Variants in ALDH3A1 observed in about 807,000 individuals in gnomAD.
The protein encoded by ALDH3A1 is aldehyde dehydrogenase, dimeric NADP-preferring.
ALDH3A1 carries 46 observed loss-of-function variants against 49.9 expected under a neutral mutation model. That is an observed-to-expected ratio of 0.92 (90% CI 0.73 to 1.18). The LOEUF is 1.18. Among genes scored for constraint, ALDH3A1 ranks in the 50% most tolerant of loss-of-function variants. ALDH3A1 has a pLI of 0.00. For synonymous variants in ALDH3A1, 269 were observed against 253.3 expected (o/e 1.06, Z -0.59); for missense variants, 592 against 611.8 (o/e 0.97, Z 0.34).
rs200717464 is a variant in ALDH3A1, at chr17:19,745,113, T to C, written c.17A>G (p.Glu6Gly). The C allele has an allele frequency of 3.0e-4, 470 of 1,582,244 alleles. No individual in the cohort carries two copies. The highest frequency in any genetic ancestry group is 3.5e-4 in the Non-Finnish European group (404 of 1,170,472). ...GGCGGCGCGGGCGCGCTTCACGGCC[T>C]CGCTGATCTTGCTCATGGCGCCTGG... Reference protein sequence around the residue: MSKISEAVKRARAAFS... With the variant: MSKISGAVKRARAAFS... The change falls in exon 2 of 11, where the codon GAG becomes GGG. Residue 6 changes from glutamate (E) to glycine (G), a missense_variant. Physicochemically the swap from Glu to Gly is moderately conservative, Grantham distance 98. Coordinates refer to ENST00000225740, the MANE Select transcript of ALDH3A1 (RefSeq NM_000691.5).
At chr17:19,739,183 G>A in intron 8 of ALDH3A1, 88 bp from the exon 9 acceptor site, 1 of 1,219,710 alleles carries the variant, frequency 8.2e-7, no homozygotes. Context: ...ATAGCCTGGA[G>A]CCACAAGGAC....
intron 1 of ALDH3A1, among the ~76,000 whole-genome samples, chr17:19,746,189 A>C (rs1173559956): frequency 3.3e-5 from 5 of 152,104 alleles, no homozygotes; most frequent in Non-Finnish European, 5.9e-5. Flanking sequence ...AGAAGTTCAA[A>C]ACCAGCCTGG....
intron 2 of ALDH3A1, 67 bp downstream of exon 2, chr17:19,744,901 G>GCCCCACCC: frequency 2.3e-6 from 1 of 434,630 alleles, no homozygotes; most frequent in Non-Finnish European, 3.2e-6. Flanking sequence ...ACTCTCCCCA[G>GCCCCACCC]CCCCTCCCCC....
chr17:19,738,932 T>A (rs2086437532), intron 9 of ALDH3A1, 64 bp downstream of exon 9: 2 of 1,463,450 alleles, frequency 1.4e-6, no homozygotes, highest in Admixed American at 3.7e-5. Flanking sequence ...CTCCTGAATT[T>A]GCTGGGTGAG....
rs2086469048 is a variant in ALDH3A1, at chr17:19,740,402, T to C, written c.883A>G (p.Met295Val). ...ACCTTCTGGCCCTCAATCAGGCCCA[T>C]CACCCTCTGGAAGTGCCGGGCACTA... Reference protein sequence around the residue: ...IISARHFQRVMGLIEGQKVAY... With the variant: ...IISARHFQRVVGLIEGQKVAY... Residue 295 changes from methionine to valine, a missense_variant, in exon 7 of 11, where the codon ATG (methionine) becomes GTG (valine). Transcript: ENST00000225740. 1 of 1,613,998 alleles carries C rather than the reference T, an allele frequency of 6.2e-7. No individual in the cohort carries two copies. The highest frequency in any genetic ancestry group is 1.7e-5 in the Admixed American group (1 of 59,996).
At position 19,743,249 on chromosome 17, in the gene ALDH3A1, A is replaced by G. The variant is rs775753026; in HGVS notation, c.377T>C (p.Val126Ala). 5.6e-6 allele frequency: 9 copies of G among 1,613,768 alleles called. No homozygotes were observed. Among genetic ancestry groups the G allele is most frequent in the Non-Finnish European group, 7.6e-6 (9 of 1,179,918 alleles). Reference sequence around the variant, plus strand: ...CCATGCACCTGCAGCGATGGCGCCCACCATGGGCTGGATGGTGAGGTTGAA... The same window carrying G: ...CCATGCACCTGCAGCGATGGCGCCCGCCATGGGCTGGATGGTGAGGTTGAA... ...YPFNLTIQPM[V>A]GAIAAGNSVV... The change falls in exon 3 of 11, where the codon GTG becomes GCG. Residue 126 changes from valine to alanine, a missense_variant. Val to Ala is a moderately conservative substitution (Grantham distance 64, BLOSUM62 0). Coordinates refer to ENST00000225740, the MANE Select transcript of ALDH3A1 (RefSeq NM_000691.5). This position sits in a 1 kb window ranked among gnomAD's most constrained non-coding sequence, Gnocchi z 4.4.
At chr17:19,746,164 G>C (rs139283720) in intron 1 of ALDH3A1, among the ~76,000 whole-genome samples, 1 of 152,148 alleles carries the variant, frequency 6.6e-6, no homozygotes, top group Non-Finnish European at 1.5e-5. Context: ...TGAGGTGGGC[G>C]GGTCACCTGA....
At chr17:19,746,700 CGTGT>C (rs1045070385) in intron 1 of ALDH3A1, among the ~76,000 whole-genome samples, 2 of 144,504 alleles carry the variant, frequency 1.4e-5, no homozygotes, top group African/African-American at 2.6e-5. Flanking sequence ...TGTGTGCGTG[CGTGT>C]GTGTGCATGT....
intron 9 of ALDH3A1, 49 bp from the exon 10 acceptor site, chr17:19,738,502 C>T (rs2086430208): frequency 6.3e-7 from 1 of 1,586,634 alleles, no homozygotes; most frequent in Non-Finnish European, 8.6e-7. Flanking sequence ...CCCCAGGACG[C>T]CCCAGGTTTC....
chr17:19,738,882 G>T, intron 9 of ALDH3A1, 114 bp downstream of exon 9: 1 of 860,078 alleles, frequency 1.2e-6, no homozygotes, highest in Non-Finnish European at 1.8e-6. Flanking sequence ...AATGGAAGAG[G>T]CTAATGGGAG....
intron 8 of ALDH3A1, 91 bp downstream of exon 8, chr17:19,739,417 C>A: frequency 6.9e-7 from 1 of 1,441,630 alleles, no homozygotes; most frequent in Non-Finnish European, 9.4e-7. Context: ...TGCCCAAGGT[C>A]ACACAGCCAG....
chr17:19,742,896 G>T (rs1356795274), intron 3 of ALDH3A1: 1 of 1,528,654 alleles, frequency 6.5e-7, no homozygotes, highest in Admixed American at 2.0e-5. Flanking sequence ...AGCAGAAAGG[G>T]GAGAGAGGCT....
chr17:19,743,074 G>A lies in ALDH3A1; in HGVS notation c.394+158C>T. ...CTGACTGGACCTCAGGCACCAAGAG[G>A]CCTGGCTAAACAGCTTGGTCCCCAC... On this transcript the variant is annotated intron_variant, in intron 3 of 10. Coordinates refer to ENST00000225740, the MANE Select transcript of ALDH3A1 (RefSeq NM_000691.5). This position sits in a 1 kb window ranked among gnomAD's most constrained non-coding sequence, Gnocchi z 4.4. 1 of 1,534,522 alleles carries A rather than the reference G, an allele frequency of 6.5e-7. No homozygotes were observed. Among genetic ancestry groups the A allele is most frequent in the Non-Finnish European group, 8.7e-7 (1 of 1,146,440 alleles).
chr17:19,746,620 TGTGC>T (rs1288326334), intron 1 of ALDH3A1, among the ~76,000 whole-genome samples: 1 of 148,794 alleles, frequency 6.7e-6, no homozygotes, highest in African/African-American at 2.5e-5. Flanking sequence ...CATGTGTGTG[TGTGC>T]GTGTGTGTGT....
At chr17:19,744,066 C>T in intron 2 of ALDH3A1, 3 of 985,330 alleles carry the variant, frequency 3.0e-6, no homozygotes, top group Non-Finnish European at 3.6e-6. Flanking sequence ...CTTGTTGTTT[C>T]TGGTTTAAGA....
chr17:19,747,721 C>T (rs1410544120), intron 1 of ALDH3A1, among the ~76,000 whole-genome samples: 2 of 152,184 alleles, frequency 1.3e-5, no homozygotes, highest in East Asian at 1.9e-4. Context: ...TCCTGCACCC[C>T]GCTCCTCTCA....
Position 19,739,665 on chromosome 17 carries a change from A to G in ALDH3A1, c.959T>C (p.Ile320Thr). 6.2e-7 allele frequency: 1 copy of G among 1,613,670 alleles called. No homozygotes were observed. The highest frequency in any genetic ancestry group is 8.5e-7 in the Non-Finnish European group (1 of 1,179,842). Residue 320 changes from isoleucine (I) to threonine (T), a missense_variant, in exon 8 of 11, where the codon ATC (isoleucine) becomes ACC (threonine). Ile to Thr is a moderately conservative substitution (Grantham distance 89, BLOSUM62 -1). Transcript: ENST00000225740. ...GGACTGGGGGTCCACGTCCGTGAGG[A>G]TGGTGGGGGCTGAGGCAGGAAACAA... ...DAATRYIAPT[I>T]LTDVDPQSPV...
intron 6 of ALDH3A1, 72 bp downstream of exon 6, chr17:19,741,021 T>C (rs1397636814): frequency 4.5e-6 from 5 of 1,110,402 alleles, no homozygotes; most frequent in South Asian, 1.3e-5. Context: ...TCTGTAGAAG[T>C]TGGTTAAGGG....
chr17:19,745,442 C>A, intron 1 of ALDH3A1: 1 of 351,816 alleles, frequency 2.8e-6, no homozygotes. Flanking sequence ...CGCTCCCTTA[C>A]TTGCTTGCAA....
Sources: allele counts gnomAD v4.1 joint callset (sites outside exome capture counted in the v4.1 genomes callset), GRCh38; gene constraint gnomAD v4.1.1; non-coding constraint Gnocchi (gnomAD v3.1); transcripts MANE v1.5; gene names NCBI Gene and HGNC (gene_info 2026-07-23, HGNC 2026-07-21).